TUBA1C: variants seen among roughly 807,000 people sequenced by gnomAD.
TUBA1C encodes the protein tubulin alpha 1c.
Under a neutral mutation model 34.9 loss-of-function variants are expected in TUBA1C, and 16 were observed. That is an observed-to-expected ratio of 0.46 (90% confidence interval 0.31 to 0.70). The LOEUF (loss-of-function observed/expected upper bound fraction) is 0.70, where lower values mean the gene tolerates loss of function less well. Among genes scored for constraint, TUBA1C ranks in the 30% least tolerant of loss-of-function variants. The pLI, the probability that TUBA1C is intolerant of heterozygous loss-of-function variation, is 0.05. For synonymous variants in TUBA1C, 177 were observed against 215.9 expected, an observed-to-expected ratio of 0.82 and a Z score of 1.58; for missense variants, 329 against 587.3, an observed-to-expected ratio of 0.56 and a Z score of 4.55.
At chr12:49,267,538 A>G (rs538744990) in intron 1 of TUBA1C, among the ~76,000 whole-genome samples, 151 of 152,300 alleles carry the variant, frequency 9.9e-4, no homozygotes, top group African/African-American at 3.5e-3. Context: ...GGGCACCTGT[A>G]ATCCCAGCTA....
intron 1 of TUBA1C, among the ~76,000 whole-genome samples, chr12:49,265,591 C>T (rs1592285701): frequency 6.6e-6 from 1 of 152,234 alleles, no homozygotes; most frequent in Non-Finnish European, 1.5e-5. Flanking sequence ...CCCTCGTGCG[C>T]TCCCGCACCG....
intron 1 of TUBA1C, among the ~76,000 whole-genome samples, chr12:49,252,807 G>A (rs1224387834): frequency 1.3e-5 from 2 of 152,206 alleles, no homozygotes; most frequent in Non-Finnish European, 2.9e-5. Context: ...CAGCTACTCG[G>A]GAGGCTGAGG....
rs752527294 is a variant in TUBA1C, at chr12:49,269,950, C to T, written c.349C>T (p.Leu117Phe). 5 of 1,614,204 alleles carry T rather than the reference C, an allele frequency of 3.1e-6. No homozygotes were observed. In the East Asian group the frequency reaches 1.1e-4, roughly 36 times the overall value. ...HYTIGKEIID[L>F]VLDRIRKLAD... ...CACCATTGGCAAGGAGATCATTGAC[C>T]TCGTGTTGGACCGAATTCGCAAGCT... The change falls in exon 3 of 4, where the codon CTC (leucine) becomes TTC (phenylalanine). Residue 117 changes from leucine to phenylalanine, a missense_variant. Around this residue, in one of 4 missense-constraint regions of TUBA1C, gnomAD observed 152 missense variants for 240.3 expected, o/e 0.63. Transcript: ENST00000301072.
chr12:49,248,395 C>A (rs1942695985), intron 1 of TUBA1C, among the ~76,000 whole-genome samples: 1 of 151,656 alleles, frequency 6.6e-6, no homozygotes, highest in South Asian at 2.1e-4. Flanking sequence ...CAAGGTGAAA[C>A]CCGTCTCTAC....
intron 1 of TUBA1C, among the ~76,000 whole-genome samples, chr12:49,232,291 C>T (rs1470648913): frequency 2.0e-5 from 3 of 152,200 alleles, no homozygotes; most frequent in Admixed American, 6.5e-5. Context: ...AAATGTCCAC[C>T]TTGTCCTTCT....
intron 1 of TUBA1C, among the ~76,000 whole-genome samples, chr12:49,250,966 G>C (rs1326124805): frequency 1.3e-5 from 2 of 152,172 alleles, no homozygotes; most frequent in Non-Finnish European, 2.9e-5. Flanking sequence ...CAGCACTTTG[G>C]GAGGCCAAGG....
chr12:49,237,577 C>A (rs1255207288), intron 1 of TUBA1C, among the ~76,000 whole-genome samples: 52 of 151,104 alleles, frequency 3.4e-4, no homozygotes, highest in Non-Finnish European at 5.9e-5. Flanking sequence ...ACCCCTGTCT[C>A]TATTAAAAGT....
At chr12:49,270,280 T>C in intron 3 of TUBA1C, 1 of 484,568 alleles carries the variant, frequency 2.1e-6, no homozygotes, top group South Asian at 2.1e-5. Context: ...ATCAGAGTCA[T>C]TTTTTAAAAA....
intron 1 of TUBA1C, among the ~76,000 whole-genome samples, chr12:49,252,887 TG>T (rs1204479156): frequency 2.0e-5 from 3 of 151,364 alleles, no homozygotes; most frequent in East Asian, 1.9e-4. Flanking sequence ...CACTCCAGCC[TG>T]GGGCAACAAG....
intron 1 of TUBA1C, chr12:49,256,469 C>T (rs900634962): frequency 4.4e-6 from 2 of 454,726 alleles, no homozygotes; most frequent in South Asian, 1.6e-5. Flanking sequence ...GATAAGAAGT[C>T]GATTTTGTAG....
rs180690556 is a variant in TUBA1C at position 49,250,540 on chromosome 12, A to G, written c.214-18925A>G. Among the ~76,000 whole-genome samples, 667 of 151,704 alleles carry G rather than the reference A, an allele frequency of 4.4e-3. 4 individuals are homozygous for G. The highest frequency in any genetic ancestry group is 6.4e-3 in the Non-Finnish European group (435 of 67,894). ...CTCCGTCTCAAAAAAAAAAAAAAAA[A>G]AGAGAAGACACAAATTACCAGTATC... is the stretch of plus-strand genomic sequence containing the variant. On this transcript the variant is annotated intron_variant, in intron 1 of 3. Transcript: ENST00000541364.
chr12:49,250,306 C>T (rs1255208455), intron 1 of TUBA1C, among the ~76,000 whole-genome samples: 2 of 151,998 alleles, frequency 1.3e-5, no homozygotes, highest in South Asian at 2.1e-4. Flanking sequence ...AGGCGGATCA[C>T]GAGGTCAGGA....
Position 49,249,024 on chromosome 12 carries a change from A to G in TUBA1C, c.214-20441A>G, listed in dbSNP as rs190793753. Reference sequence around the variant, plus strand: ...AAATATTTTGAACTGAGTAAAAATGAAAATACAACATATCAAAATTTATGG... The same window carrying G: ...AAATATTTTGAACTGAGTAAAAATGGAAATACAACATATCAAAATTTATGG... On this transcript the variant is annotated intron_variant, in intron 1 of 3. Transcript: ENST00000541364. Among the ~76,000 whole-genome samples the G allele has an allele frequency of 3.3e-3, 509 of 152,308 alleles. 2 individuals carry two copies. The highest frequency in any genetic ancestry group is 0.011 in the African/African-American group (478 of 41,590).
At chr12:49,258,306 G>A (rs563137674) in intron 1 of TUBA1C, among the ~76,000 whole-genome samples, 65 of 152,246 alleles carry the variant, frequency 4.3e-4, no homozygotes, top group African/African-American at 1.4e-3. Context: ...GGGTGCAGTG[G>A]CTCCCACCTG....
chr12:49,265,125 TC>T lies in TUBA1C; in HGVS notation c.-55del. On this transcript the variant is annotated 5_prime_UTR_variant, in exon 1 of 4. Transcript: ENST00000301072. ...TCCTTGGTAGTCTGTTAGTGGGAGATCCTTGTTGCCGTCCCTTCGCCTCCTT... is the reference window on the plus strand; with the variant it reads ...TCCTTGGTAGTCTGTTAGTGGGAGATCTTGTTGCCGTCCCTTCGCCTCCTT... The T allele has an allele frequency of 6.3e-7, 1 of 1,584,390 alleles. No individual in the cohort carries two copies. Among genetic ancestry groups the T allele is most frequent in the Non-Finnish European group, 8.6e-7 (1 of 1,160,954 alleles).
At chr12:49,262,399 T>TAAAAAA (rs55985243), upstream of TUBA1C, among the ~76,000 whole-genome samples, 2 of 42,064 alleles carry the variant, frequency 4.8e-5, no homozygotes, top group Non-Finnish European at 8.3e-5. Context: ...AGACCCTGTG[T>TAAAAAA]AAAAAAAAAA....
chr12:49,251,774 TAAA>T (rs74892388), intron 1 of TUBA1C, among the ~76,000 whole-genome samples: 4 of 133,488 alleles, frequency 3.0e-5, no homozygotes, highest in Admixed American at 7.6e-5. Flanking sequence ...ACTCGGTATT[TAAA>T]AAAAAAAAAA....
At chr12:49,266,498 A>C (rs1942914557) in intron 1 of TUBA1C, among the ~76,000 whole-genome samples, 1 of 152,092 alleles carries the variant, frequency 6.6e-6, no homozygotes, top group Admixed American at 6.6e-5. Flanking sequence ...GTTTTCAAGA[A>C]ACGTGAAATT....
chr12:49,230,410 A>C (rs1289704463), intron 1 of TUBA1C, among the ~76,000 whole-genome samples: 4 of 152,204 alleles, frequency 2.6e-5, no homozygotes. Context: ...GGCCTGGGGC[A>C]GGTACAGTGT....
Sources: gnomAD v4.1 joint callset for allele counts (sites outside exome capture counted in the v4.1 genomes callset) on GRCh38, gnomAD v4.1.1 for gene constraint, gnomAD v4.1.1 regional missense constraint, MANE v1.5 for transcripts, NCBI Gene and HGNC (gene_info 2026-07-23, HGNC 2026-07-21) for gene names.